NKIRAS1: variants seen among roughly 807,000 people sequenced by gnomAD.
NKIRAS1 encodes NFKB inhibitor interacting Ras like 1.
A neutral mutation model predicts 19.8 loss-of-function variants in NKIRAS1; 16 were observed. That is an observed-to-expected ratio of 0.81 (90% CI 0.55 to 1.23). NKIRAS1 has a LOEUF of 1.23. Ranked by LOEUF, NKIRAS1 falls within the 50% of genes most tolerant of loss-of-function variation. The pLI, the probability that NKIRAS1 is intolerant of heterozygous loss-of-function variation, is 0.00. For missense variants in NKIRAS1, 184 were observed against 220.0 expected (o/e 0.84, Z 1.04); for synonymous variants, 88 against 79.0 (o/e 1.11, Z -0.61).
At chr3:23,925,739 A>G (rs1208861818) in intron 1 of NKIRAS1, among the ~76,000 whole-genome samples, 1 of 152,238 alleles carries the variant, frequency 6.6e-6, no homozygotes, top group Non-Finnish European at 1.5e-5. Flanking sequence ...TTCATTTGGT[A>G]AAATATGGTT....
In NKIRAS1 at chr3:23,927,980, G is replaced by A. The variant is rs1705237627; in HGVS notation, c.-139-16530C>T. ...AGTAGTACCAGATATGCAGGAGGCT[G>A]AGGTGGAAGAATTGCTTGAGCCTGG... On this transcript the variant is annotated intron_variant, in intron 1 of 4. Transcript: ENST00000421515. This position sits in a 1 kb window ranked among gnomAD's most constrained non-coding sequence, Gnocchi z 4.0. 6.6e-6 allele frequency among the ~76,000 whole-genome samples: 1 copy of A among 152,078 alleles called. No individual in the cohort carries two copies. The highest frequency in any genetic ancestry group is 1.5e-5 in the Non-Finnish European group (1 of 68,022).
chr3:23,942,620 G>C (rs1021305070), intron 1 of NKIRAS1, among the ~76,000 whole-genome samples: 1 of 151,996 alleles, frequency 6.6e-6, no homozygotes, highest in African/African-American at 2.4e-5. Flanking sequence ...TAGTAGAGAC[G>C]GGGTTTCTCC....
At chr3:23,908,842 CTTTCT>C (rs764489878) in intron 3 of NKIRAS1, among the ~76,000 whole-genome samples, 2 of 142,866 alleles carry the variant, frequency 1.4e-5, no homozygotes, top group African/African-American at 5.2e-5. Context: ...TAATTTCTTT[CTTTCT>C]TTTTTTTTTT....
At chr3:23,936,970 A>C (rs905935573) in intron 1 of NKIRAS1, among the ~76,000 whole-genome samples, 1 of 152,230 alleles carries the variant, frequency 6.6e-6, no homozygotes, top group African/African-American at 2.4e-5. Context: ...AATGCGCTGC[A>C]CTTGGAGAAT....
At chr3:23,911,891 T>C (rs1209675561) in intron 1 of NKIRAS1, among the ~76,000 whole-genome samples, 1 of 151,878 alleles carries the variant, frequency 6.6e-6, no homozygotes, top group Non-Finnish European at 1.5e-5. Flanking sequence ...ATCTCCCAAG[T>C]AGCTGGGATT....
rs879318924 is a variant in NKIRAS1 at position 23,925,636 on chromosome 3, A to AT, written c.-139-14187_-139-14186insA. Among the ~76,000 whole-genome samples, 591 of 149,660 alleles carry AT rather than the reference A, an allele frequency of 3.9e-3. 8 individuals carry two copies. The highest frequency in any genetic ancestry group is 2.6e-3 in the South Asian group (12 of 4,648). On this transcript the variant is annotated intron_variant, in intron 1 of 4. Coordinates refer to the NKIRAS1 transcript ENST00000421515. ...TTGACAGAGTAAGACTCTGTCTCAA[A>AT]AAAATAAATAAATAAATAAATAAAT... is the stretch of plus-strand genomic sequence containing the variant.
At chr3:23,912,203 T>C (rs1703815436) in intron 1 of NKIRAS1, among the ~76,000 whole-genome samples, 1 of 152,072 alleles carries the variant, frequency 6.6e-6, no homozygotes, top group Non-Finnish European at 1.5e-5. Context: ...GGGATCTAAT[T>C]AAACTAAAGA....
At chr3:23,899,575 A>G (rs191999698) in intron 4 of NKIRAS1, among the ~76,000 whole-genome samples, 64 of 152,314 alleles carry the variant, frequency 4.2e-4, no homozygotes, top group African/African-American at 1.4e-3. Flanking sequence ...ATTTGAGATA[A>G]GAGAGTTCCA....
chr3:23,914,560 A>G (rs1704108186), intron 1 of NKIRAS1, among the ~76,000 whole-genome samples: 1 of 152,222 alleles, frequency 6.6e-6, no homozygotes, highest in Admixed American at 6.5e-5. Flanking sequence ...TGCACAAAAT[A>G]AAATGTAATA....
At chr3:23,915,885 C>T (rs1704324599) in intron 1 of NKIRAS1, 1 of 152,268 alleles carries the variant, frequency 6.6e-6, no homozygotes, top group African/African-American at 2.4e-5. Flanking sequence ...GCCGCTAACA[C>T]TCCCTCATCA....
chr3:23,911,617 C>T (rs1429642350), intron 1 of NKIRAS1, among the ~76,000 whole-genome samples, 167 bp from the exon 2 acceptor site: 1 of 151,988 alleles, frequency 6.6e-6, no homozygotes, highest in Non-Finnish European at 1.5e-5. Flanking sequence ...TCAATATTTA[C>T]CTGGAAAAAT....
intron 1 of NKIRAS1, chr3:23,916,563 T>C (rs1704483175): frequency 6.6e-6 from 1 of 152,196 alleles, no homozygotes; most frequent in Admixed American, 6.5e-5. Context: ...CTTCACGCAG[T>C]CTGGAGCTGA....
chr3:23,933,098 T>A (rs1383690058), intron 1 of NKIRAS1, among the ~76,000 whole-genome samples: 2 of 152,160 alleles, frequency 1.3e-5, no homozygotes, highest in Non-Finnish European at 2.9e-5. Flanking sequence ...ATCGATGGCT[T>A]GATTTTAGTT....
At chr3:23,920,397 G>A (rs1009485677), upstream of NKIRAS1, 19 of 985,230 alleles carry the variant, frequency 1.9e-5, no homozygotes, top group Non-Finnish European at 8.4e-6. Flanking sequence ...AACCATATGT[G>A]TTTTCTGCAG....
exon 1 of NKIRAS1, chr3:23,946,518 G>T (rs6778577): frequency 0.14 from 21,921 of 154,848 alleles, 2,209 homozygotes; most frequent in African/African-American, 0.27. Context: ...AAAACCGTTT[G>T]CTCTAGGACG....
upstream of NKIRAS1, chr3:23,920,026 C>T (rs187233990): frequency 1.0e-6 from 1 of 986,270 alleles, no homozygotes; most frequent in East Asian, 1.1e-4. Flanking sequence ...GGTTCAGTGC[C>T]ATGGCTTCAT....
chr3:23,893,649 A>G (rs34978185), intron 4 of NKIRAS1, among the ~76,000 whole-genome samples: 5,985 of 152,090 alleles, frequency 0.039, 173 homozygotes, highest in African/African-American at 0.077. Flanking sequence ...TCTACTGAAA[A>G]TAAAAAAATT....
chr3:23,920,699 T>C (rs368063073), upstream of NKIRAS1: 112 of 985,098 alleles, frequency 1.1e-4, 1 homozygote, highest in Middle Eastern at 5.2e-4. Flanking sequence ...ACTCAGTTAA[T>C]TGATTTCCAG....
At chr3:23,913,237 T>A (rs369621182) in intron 1 of NKIRAS1, among the ~76,000 whole-genome samples, 2 of 152,248 alleles carry the variant, frequency 1.3e-5, no homozygotes, top group East Asian at 3.9e-4. Flanking sequence ...ACCAAAGAAG[T>A]CTTCATCATG....
Sources: allele counts gnomAD v4.1 joint callset (sites outside exome capture counted in the v4.1 genomes callset), GRCh38; gene constraint gnomAD v4.1.1; non-coding constraint Gnocchi (gnomAD v3.1); transcripts MANE v1.5; gene names NCBI Gene and HGNC (gene_info 2026-07-23, HGNC 2026-07-21).